PRKN: variants seen among roughly 807,000 people sequenced by gnomAD.
PRKN encodes parkin RBR E3 ubiquitin protein ligase.
Under a neutral mutation model 59.5 loss-of-function variants are expected in PRKN, and 56 were observed. The ratio of observed to expected loss-of-function variants is 0.94; its 90% CI spans 0.76 to 1.18. The LOEUF is 1.18. Ranked by LOEUF, PRKN falls within the 50% of genes most tolerant of loss-of-function variation. The pLI is 0.00. For synonymous variants in PRKN, 250 were observed against 222.1 expected (o/e 1.13, Z -1.12); for missense variants, 657 against 596.4 (o/e 1.10, Z -1.06).
intron 9 of PRKN, among the ~76,000 whole-genome samples, chr6:161,540,370 C>T (rs1050884676): frequency 4.6e-5 from 7 of 152,060 alleles, no homozygotes; most frequent in African/African-American, 9.7e-5. Context: ...TAAGCATACA[C>T]GATCACAAAA....
intron 7 of PRKN, among the ~76,000 whole-genome samples, chr6:161,770,514 C>T (rs1017589878): frequency 6.6e-6 from 1 of 152,066 alleles, no homozygotes; most frequent in Non-Finnish European, 1.5e-5. Context: ...GTCACCCAGG[C>T]TGGAGTGCAA....
chr6:161,499,132 A>ACAT lies in PRKN; in HGVS notation c.1083+49721_1083+49722insATG, dbSNP rs1554267941. On this transcript the variant is annotated intron_variant, in intron 9 of 11. Transcript: ENST00000366898. The surrounding 1 kb of genome is among the most constrained non-coding windows in gnomAD (Gnocchi z 4.2). ...AGGGTCTGGACACACACACACACAC[A>ACAT]TTTTTTTTTTTTTTTTGGCTCACAG... Among the ~76,000 whole-genome samples the ACAT allele has an allele frequency of 0.42, 57,525 of 136,200 alleles. 12,229 individuals carry two copies. The highest frequency in any genetic ancestry group is 0.52 in the South Asian group (2,212 of 4,240). 89.4% of individuals were successfully genotyped at this position (136,200 alleles called of 152,430 possible). A position where few individuals can be genotyped will look rare whatever the true frequency, so the allele number is the denominator to read the frequency against.
intron 6 of PRKN, among the ~76,000 whole-genome samples, chr6:161,927,286 G>A (rs1434254452): frequency 6.6e-6 from 1 of 152,126 alleles, no homozygotes; most frequent in East Asian, 1.9e-4. Context: ...GAACTACGAA[G>A]GAGCTTAATC....
At position 162,581,536 on chromosome 6, in the gene PRKN, G is replaced by A. The variant is rs148568332; in HGVS notation, c.8-138063C>T. Among the ~76,000 whole-genome samples the A allele has an allele frequency of 6.9e-3, 1,044 of 152,346 alleles. 13 individuals are homozygous for A. The highest frequency in any genetic ancestry group is 0.023 in the African/African-American group (960 of 41,574). On this transcript the variant is annotated intron_variant, in intron 1 of 11. Transcript: ENST00000366898. ...GGCACTTTGGGAGGGAAAGGCGGGC[G>A]GATCACCTGAGGTCAGGAGTTCGGG... is the stretch of plus-strand genomic sequence containing the variant.
At chr6:162,164,062 C>T (rs563047766) in intron 4 of PRKN, among the ~76,000 whole-genome samples, 1 of 149,288 alleles carries the variant, frequency 6.7e-6, no homozygotes, top group South Asian at 2.1e-4. Flanking sequence ...AGGAAGCCTG[C>T]CCCTCTAGAG....
chr6:161,521,463 C>T (rs143615825), intron 9 of PRKN, among the ~76,000 whole-genome samples: 31 of 152,220 alleles, frequency 2.0e-4, no homozygotes, highest in African/African-American at 7.2e-4. Context: ...ACAGTGGTTG[C>T]CCTGGGGAAG....
chr6:161,678,173 C>T (rs9355922), intron 7 of PRKN, among the ~76,000 whole-genome samples: 55,594 of 142,144 alleles, frequency 0.39, 11,685 homozygotes, highest in East Asian at 0.6. Context: ...GGGCTTAGAA[C>T]ACAATTTATC....
intron 7 of PRKN, among the ~76,000 whole-genome samples, chr6:161,641,015 T>C (rs886510165): frequency 6.6e-6 from 1 of 152,210 alleles, no homozygotes; most frequent in Admixed American, 6.5e-5. Flanking sequence ...ATTATTATAG[T>C]GAAAGAGATC....
rs1473544102 is a variant in PRKN, at chr6:161,413,814, T to G, written c.1084-26937A>C. ...GAAGCTCATTCAAAAATGCAATTTT[T>G]AATTAAAAGGGAAACTTCCTGAGAG... On this transcript the variant is annotated intron_variant, in intron 9 of 11. Coordinates refer to ENST00000366898, the MANE Select transcript of PRKN (RefSeq NM_004562.3). The surrounding 1 kb of genome is among the most constrained non-coding windows in gnomAD (Gnocchi z 4.4). Among the ~76,000 whole-genome samples the G allele has an allele frequency of 6.6e-6, 1 of 152,146 alleles. No individual in the cohort carries two copies. Among genetic ancestry groups the G allele is most frequent in the Non-Finnish European group, 1.5e-5 (1 of 68,032 alleles).
At chr6:162,448,367 C>T (rs1018598474) in intron 1 of PRKN, among the ~76,000 whole-genome samples, 1 of 152,080 alleles carries the variant, frequency 6.6e-6, no homozygotes. Flanking sequence ...TAGAAATTTT[C>T]ATTGAGAATT....
intron 5 of PRKN, among the ~76,000 whole-genome samples, chr6:162,004,736 G>A (rs891124773): frequency 6.6e-6 from 1 of 152,208 alleles, no homozygotes; most frequent in African/African-American, 2.4e-5. Flanking sequence ...CCACACTGCA[G>A]ATGGTATGTC....
chr6:161,557,596 G>T (rs1583225663), intron 8 of PRKN, among the ~76,000 whole-genome samples: 1 of 152,130 alleles, frequency 6.6e-6, no homozygotes, highest in East Asian at 1.9e-4. Flanking sequence ...CCATCCAAAA[G>T]GCCTCTCCTC....
chr6:162,480,483 C>T (rs1421593462), intron 1 of PRKN, among the ~76,000 whole-genome samples: 1 of 150,294 alleles, frequency 6.7e-6, no homozygotes, highest in Non-Finnish European at 1.5e-5. Context: ...AGGAGAAAAA[C>T]TTACATGGGA....
intron 2 of PRKN, among the ~76,000 whole-genome samples, chr6:162,306,840 G>T (rs532126764): frequency 7.2e-5 from 11 of 152,132 alleles, no homozygotes; most frequent in Non-Finnish European, 1.6e-4. Context: ...GCCCAGGCAC[G>T]CTGCCAATGC....
chr6:161,615,062 A>G (rs1297139042), intron 7 of PRKN, among the ~76,000 whole-genome samples: 1 of 152,236 alleles, frequency 6.6e-6, no homozygotes, highest in Non-Finnish European at 1.5e-5. Flanking sequence ...AAGAATGAAG[A>G]TGCAAAAATA....
intron 4 of PRKN, among the ~76,000 whole-genome samples, chr6:162,178,453 G>A (rs9458475): frequency 0.51 from 77,783 of 151,964 alleles, 21,015 homozygotes; most frequent in Non-Finnish European, 0.61. Context: ...CCAGAGGATG[G>A]GGCCAGCCCC....
intron 4 of PRKN, among the ~76,000 whole-genome samples, chr6:162,161,209 C>A (rs545316525): frequency 6.6e-6 from 1 of 152,318 alleles, no homozygotes; most frequent in East Asian, 1.9e-4. Context: ...ACCACGTGAG[C>A]ATTCTAGGGA....
chr6:162,372,725 TA>T (rs1211538933), intron 2 of PRKN, among the ~76,000 whole-genome samples: 2 of 152,174 alleles, frequency 1.3e-5, no homozygotes, highest in Non-Finnish European at 2.9e-5. Flanking sequence ...GTTGAAATTA[TA>T]AAAAATTGTA....
At chr6:162,235,643 T>TA (rs1310974948) in intron 3 of PRKN, among the ~76,000 whole-genome samples, 2 of 151,690 alleles carry the variant, frequency 1.3e-5, no homozygotes, top group African/African-American at 4.8e-5. Flanking sequence ...CTGTCTCTAC[T>TA]AAAAAAATAC....
Sources: allele counts gnomAD v4.1 joint callset (sites outside exome capture counted in the v4.1 genomes callset), GRCh38; gene constraint gnomAD v4.1.1; non-coding constraint Gnocchi (gnomAD v3.1); transcripts MANE v1.5; gene names NCBI Gene and HGNC (gene_info 2026-07-23, HGNC 2026-07-21).